CELSR1: variants seen among roughly 807,000 people sequenced by gnomAD.
CELSR1 encodes the protein cadherin EGF LAG seven-pass G-type receptor 1.
A neutral mutation model predicts 249.1 loss-of-function variants in CELSR1; 110 were observed. That is an observed-to-expected ratio of 0.44 (90% CI 0.38 to 0.52). CELSR1 has a LOEUF of 0.52. Ranked by LOEUF, CELSR1 falls within the 20% of genes least tolerant of loss-of-function variation. The pLI is 0.00. For missense variants in CELSR1, 4,109 were observed against 4,296.4 expected (o/e 0.96, Z 1.22); for synonymous variants, 2,113 against 1,900.0 (o/e 1.11, Z -2.92).
At chr22:46,415,031 A>G (rs2079383267) in intron 5 of CELSR1, among the ~76,000 whole-genome samples, 2 of 152,194 alleles carry the variant, frequency 1.3e-5, no homozygotes, top group South Asian at 4.1e-4. Flanking sequence ...AAGGCCATGC[A>G]CCGCGTGACT....
intron 5 of CELSR1, among the ~76,000 whole-genome samples, chr22:46,432,199 GCGGGC>G (rs1355189717): frequency 2.6e-5 from 4 of 152,236 alleles, no homozygotes; most frequent in Non-Finnish European, 5.9e-5. Flanking sequence ...GATGGGAGGG[GCGGGC>G]CAGGGAGGTG....
chr22:46,439,254 G>A lies in CELSR1; in HGVS notation c.4341C>T (p.Phe1447=). 1.9e-6 allele frequency: 3 copies of A among 1,614,174 alleles called. No individual in the cohort carries two copies. The highest frequency in any genetic ancestry group is 2.5e-6 in the Non-Finnish European group (3 of 1,180,026). The part of the protein sequence containing the change: ...RPYCEVTTRS[F]PPQSFVTFRG... Reference sequence around the variant, plus strand: ...GGAAGGTGACGAAGGACTGGGGCGGGAAGCTCCTGGTGGTCACCTCACAGT... The same window carrying A: ...GGAAGGTGACGAAGGACTGGGGCGGAAAGCTCCTGGTGGTCACCTCACAGT... Residue 1447 remains phenylalanine, a synonymous_variant, in exon 3 of 35, where the codon TTC becomes TTT. Coordinates refer to ENST00000674500, the MANE Select transcript of CELSR1 (RefSeq NM_001378328.1).
rs2078896260 is a variant in CELSR1 at position 46,374,528 on chromosome 22, C to G, written c.7585-1471G>C. Reference sequence around the variant, plus strand: ...CATAAAGCCCAGGCACTCTGCCAAGCCCCTAGAACGCTGCCGGGTCGCCCT... The same window carrying G: ...CATAAAGCCCAGGCACTCTGCCAAGGCCCTAGAACGCTGCCGGGTCGCCCT... On this transcript the variant is annotated intron_variant, in intron 24 of 34. Coordinates refer to ENST00000674500, the MANE Select transcript of CELSR1 (RefSeq NM_001378328.1). The surrounding 1 kb of genome is among the most constrained non-coding windows in gnomAD (Gnocchi z 4.3). Among the ~76,000 whole-genome samples, 1 of 152,218 alleles carries G rather than the reference C, an allele frequency of 6.6e-6. No homozygotes were observed. Among genetic ancestry groups the G allele is most frequent in the South Asian group, 2.1e-4 (1 of 4,832 alleles).
intron 1 of CELSR1, among the ~76,000 whole-genome samples, chr22:46,474,077 G>A (rs1027659700): frequency 1.3e-5 from 2 of 152,148 alleles, no homozygotes; most frequent in Non-Finnish European, 2.9e-5. Flanking sequence ...CAGCACGAGC[G>A]TCTCCAGCAA....
At chr22:46,479,450 C>T (rs2080244182) in intron 1 of CELSR1, among the ~76,000 whole-genome samples, 1 of 152,086 alleles carries the variant, frequency 6.6e-6, no homozygotes, top group Non-Finnish European at 1.5e-5. Flanking sequence ...GCAGATGCCT[C>T]GTCTTTGGGA....
At chr22:46,470,114 T>C (rs1294895516) in intron 1 of CELSR1, among the ~76,000 whole-genome samples, 1 of 146,316 alleles carries the variant, frequency 6.8e-6, no homozygotes, top group Non-Finnish European at 1.5e-5. Flanking sequence ...TGTGCCTGTT[T>C]GACTTTTTTT....
chr22:46,383,658 G>GT (rs2079002524), intron 20 of CELSR1, among the ~76,000 whole-genome samples: 1 of 151,542 alleles, frequency 6.6e-6, no homozygotes, highest in Non-Finnish European at 1.5e-5. Context: ...TCCTGAGTAG[G>GT]TGGGACTACA....
chr22:46,388,247 G>A (rs1362790761), intron 18 of CELSR1, among the ~76,000 whole-genome samples: 1 of 152,122 alleles, frequency 6.6e-6, no homozygotes, highest in African/African-American at 2.4e-5. Context: ...TACTTGGGAG[G>A]CTGAGGCAGG....
intron 2 of CELSR1, 100 bp downstream of exon 2, chr22:46,463,607 G>A: frequency 7.6e-7 from 1 of 1,312,708 alleles, no homozygotes; most frequent in Non-Finnish European, 1.0e-6. Context: ...TCCTCCAGCT[G>A]TTTTCCCCGG....
At chr22:46,515,399 T>C (rs3788726) in intron 1 of CELSR1, among the ~76,000 whole-genome samples, 18,215 of 152,198 alleles carry the variant, frequency 0.12, 1,225 homozygotes, top group African/African-American at 0.17. Context: ...GTAGGAAGGT[T>C]TGCACATGTT....
Position 46,429,793 on chromosome 22 carries a change from C to G in CELSR1, c.4611+3600G>C. 1.3e-5 allele frequency among the ~76,000 whole-genome samples: 2 copies of G among 152,214 alleles called. 1 individual carries two copies. Among genetic ancestry groups the G allele is most frequent in the East Asian group, 3.9e-4 (2 of 5,188 alleles). ...GCAGCCCTCTCCTGTGGCTTCTGAC[C>G]ATGACCCCTTCTTTCTGGGCTCCAA... On this transcript the variant is annotated intron_variant, in intron 5 of 34. Coordinates refer to ENST00000674500, the MANE Select transcript of CELSR1 (RefSeq NM_001378328.1). The surrounding 1 kb of genome is among the most constrained non-coding windows in gnomAD (Gnocchi z 4.1).
chr22:46,465,074 C>G (rs1157388748), intron 1 of CELSR1, among the ~76,000 whole-genome samples: 1 of 152,178 alleles, frequency 6.6e-6, no homozygotes, highest in African/African-American at 2.4e-5. Context: ...GGTGGAGCAC[C>G]TTGGTTGCAA....
chr22:46,453,184 G>A (rs2079906416), intron 2 of CELSR1, among the ~76,000 whole-genome samples: 2 of 152,214 alleles, frequency 1.3e-5, no homozygotes, highest in South Asian at 4.1e-4. Context: ...GGTGAGCCAG[G>A]CAGCTGTGCA....
At chr22:46,476,393 C>G (rs1188542464) in intron 1 of CELSR1, among the ~76,000 whole-genome samples, 1 of 151,936 alleles carries the variant, frequency 6.6e-6, no homozygotes, top group Non-Finnish European at 1.5e-5. Flanking sequence ...CTCAGGAGTT[C>G]GAGACCAGCC....
rs1199648613 is a variant in CELSR1 at position 46,436,511 on chromosome 22, G to GT, written c.4407-223dup. 6.6e-6 allele frequency among the ~76,000 whole-genome samples: 1 copy of GT among 152,170 alleles called. No homozygotes were observed. The highest frequency in any genetic ancestry group is 1.5e-5 in the Non-Finnish European group (1 of 68,042). Reference sequence around the variant, plus strand: ...CAAACCAGAATCCATGGGGAGTCTGGTTACTACGGCCTGTAGAATGCAAAA... The same window carrying GT: ...CAAACCAGAATCCATGGGGAGTCTGGTTTACTACGGCCTGTAGAATGCAAAA... On this transcript the variant is annotated intron_variant, in intron 3 of 34. Coordinates refer to ENST00000674500, the MANE Select transcript of CELSR1 (RefSeq NM_001378328.1). This position sits in a 1 kb window ranked among gnomAD's most constrained non-coding sequence, Gnocchi z 5.9.
At chr22:46,366,944 C>T (rs758314036) in intron 29 of CELSR1, 49 bp downstream of exon 29, 10 of 1,573,556 alleles carry the variant, frequency 6.4e-6, no homozygotes, top group South Asian at 1.2e-5. Context: ...CCCCGCCCCT[C>T]GAGATGCCGC....
At chr22:46,532,718 G>A (rs891395027) in intron 1 of CELSR1, among the ~76,000 whole-genome samples, 2 of 152,172 alleles carry the variant, frequency 1.3e-5, no homozygotes, top group Non-Finnish European at 2.9e-5. Flanking sequence ...GCACGGTCAG[G>A]CAAACCTCAA....
Position 46,396,619 on chromosome 22 carries a change from C to A in CELSR1, c.5829G>T (p.Pro1943=). The A allele has an allele frequency of 1.3e-6, 2 of 1,593,948 alleles. No individual in the cohort carries two copies. The highest frequency in any genetic ancestry group is 1.1e-5 in the South Asian group (1 of 87,422). The change falls in exon 13 of 35, where the codon CCG becomes CCT. Residue 1943 remains proline (P), a synonymous_variant. Coordinates refer to ENST00000674500, the MANE Select transcript of CELSR1 (RefSeq NM_001378328.1). This position sits in a 1 kb window ranked among gnomAD's most constrained non-coding sequence, Gnocchi z 6.4. ...GCTGCTCTTACTTGTTCTCACAGTA[C>A]GGCCCGTAGTGACTGGGCCCACACT... is the stretch of plus-strand genomic sequence containing the variant. ...VCECGPSHYG[P]YCENKLDLPC...
At chr22:46,368,422 T>C (rs2078812126) in intron 27 of CELSR1, among the ~76,000 whole-genome samples, 1 of 150,264 alleles carries the variant, frequency 6.7e-6, no homozygotes, top group Non-Finnish European at 1.5e-5. Flanking sequence ...CACCCCCATA[T>C]CCGGCCTTCC....
Sources: allele counts gnomAD v4.1 joint callset (sites outside exome capture counted in the v4.1 genomes callset), GRCh38; gene constraint gnomAD v4.1.1; non-coding constraint Gnocchi (gnomAD v3.1); transcripts MANE v1.5; gene names NCBI Gene and HGNC (gene_info 2026-07-23, HGNC 2026-07-21).